The following APBB2 variants were observed in gnomAD, a reference collection of about 807,000 sequenced individuals.
APBB2 encodes the protein amyloid beta precursor protein binding family B member 2, also known as Fe65-like 1.
In APBB2, 38 loss-of-function variants were observed where a neutral mutation model predicts 82.5. The observed-to-expected ratio is 0.46, with a 90% CI of 0.36 to 0.60. The LOEUF (loss-of-function observed/expected upper bound fraction) is 0.60, where lower values mean the gene tolerates loss of function less well. Ranked by LOEUF, APBB2 falls within the 20% of genes least tolerant of loss-of-function variation. The pLI is 0.00. For synonymous variants in APBB2, 341 were observed against 368.2 expected, an observed-to-expected ratio of 0.93 and a Z score of 0.85; for missense variants, 772 against 972.3, an observed-to-expected ratio of 0.79 and a Z score of 2.74.
chr4:41,192,101 C>T (rs954666014), intron 1 of APBB2, among the ~76,000 whole-genome samples: 15 of 152,092 alleles, frequency 9.9e-5, no homozygotes, highest in South Asian at 2.1e-4. Flanking sequence ...CACCTCACAC[C>T]CATTAGGAAT....
chr4:40,830,593 G>GT lies in APBB2; in HGVS notation c.1530-17dup. 6.7e-7 allele frequency: 1 copy of GT among 1,486,566 alleles called. No homozygotes were observed. The highest frequency in any genetic ancestry group is 1.1e-5 in the South Asian group (1 of 88,436). The allele number at this position is 1,486,566 out of a possible 1,614,324, so 92.1% of individuals were successfully genotyped here. ...AGCAAAATCCCTGTGCAAGCAAAAT[G>GT]TATCAGTCCATTAGTAAGAGAAGCT... On this transcript the variant is annotated splice_polypyrimidine_tract_variant and intron_variant, in intron 12 of 17. Transcript: ENST00000508593.
At chr4:40,881,075 A>G in intron 12 of APBB2, 1 of 985,472 alleles carries the variant, frequency 1.0e-6, no homozygotes, top group Non-Finnish European at 1.2e-6. Flanking sequence ...ATCATGATTA[A>G]TGGAAGGCAG....
intron 1 of APBB2, among the ~76,000 whole-genome samples, chr4:41,205,425 G>A (rs917793946): frequency 6.6e-6 from 1 of 152,072 alleles, no homozygotes; most frequent in African/African-American, 2.4e-5. Context: ...ACAGAGCTAA[G>A]GAAAATCATA....
At chr4:41,183,570 T>C (rs1341535156) in intron 1 of APBB2, among the ~76,000 whole-genome samples, 2 of 152,026 alleles carry the variant, frequency 1.3e-5, no homozygotes, top group Admixed American at 1.3e-4. Context: ...GAACACCATG[T>C]GAAGATGAAG....
At chr4:41,013,146 A>G (rs1439086324) in intron 6 of APBB2, among the ~76,000 whole-genome samples, 1 of 152,224 alleles carries the variant, frequency 6.6e-6, no homozygotes, top group African/African-American at 2.4e-5. Flanking sequence ...TTCACCATAA[A>G]TAAGTTATTT....
intron 5 of APBB2, among the ~76,000 whole-genome samples, chr4:41,030,083 G>C (rs1191990902): frequency 6.6e-6 from 1 of 152,174 alleles, no homozygotes; most frequent in Non-Finnish European, 1.5e-5. Context: ...TTGAACCCGG[G>C]GGGCGAAGGT....
chr4:41,209,463 G>C (rs538157526), intron 1 of APBB2, among the ~76,000 whole-genome samples: 1 of 152,326 alleles, frequency 6.6e-6, no homozygotes, highest in Admixed American at 6.5e-5. Context: ...CAGGGCTAAC[G>C]TCAAATGAGA....
Position 40,832,954 on chromosome 4 carries a change from CGGGGGTGGGTT to C in APBB2, c.1530-2388_1530-2378del, listed in dbSNP as rs1231019691. 6.6e-6 allele frequency among the ~76,000 whole-genome samples: 1 copy of C among 151,676 alleles called. No homozygotes were observed. Among genetic ancestry groups the C allele is most frequent in the Non-Finnish European group, 1.5e-5 (1 of 67,906 alleles). On this transcript the variant is annotated intron_variant, in intron 12 of 17. Transcript: ENST00000508593. The surrounding 1 kb of genome is among the most constrained non-coding windows in gnomAD (Gnocchi z 4.8). ...ACTGAATGGGTTCCACGACTGGGCT[CGGGGGTGGGTT>C]GGGGCAAGTCACTGGGCCGAGACTT...
At chr4:40,973,214 G>C (rs1449174838) in intron 6 of APBB2, among the ~76,000 whole-genome samples, 1 of 152,146 alleles carries the variant, frequency 6.6e-6, no homozygotes, top group Non-Finnish European at 1.5e-5. Context: ...CGACCAATAA[G>C]AGGCTCAGCA....
chr4:41,113,224 TC>T (rs1320388395), intron 2 of APBB2, among the ~76,000 whole-genome samples: 1 of 152,228 alleles, frequency 6.6e-6, no homozygotes, highest in Non-Finnish European at 1.5e-5. Flanking sequence ...TATATGGACT[TC>T]CTTACATTTA....
At chr4:40,821,379 A>G (rs1023077535) in intron 17 of APBB2, among the ~76,000 whole-genome samples, 4 of 152,334 alleles carry the variant, frequency 2.6e-5, no homozygotes, top group Admixed American at 2.6e-4. Flanking sequence ...TAACTTCCCT[A>G]AAGTCTCTAT....
chr4:41,159,949 GAGAAGGAGAAGGAGAAGAAGAAGA>G (rs1764515544), intron 1 of APBB2, among the ~76,000 whole-genome samples: 1 of 59,036 alleles, frequency 1.7e-5, no homozygotes, highest in Non-Finnish European at 3.2e-5. Context: ...GGAGGAGAAG[GAGAAGGAGAAGGAGAAGAAGAAGA>G]AGAAGAAGAA....
intron 6 of APBB2, among the ~76,000 whole-genome samples, chr4:41,013,155 T>G (rs1808865551): frequency 6.6e-6 from 1 of 152,242 alleles, no homozygotes. Flanking sequence ...AATAAGTTAT[T>G]TTGAGGACTT....
At chr4:40,971,173 T>C (rs1795844354) in intron 6 of APBB2, among the ~76,000 whole-genome samples, 1 of 152,088 alleles carries the variant, frequency 6.6e-6, no homozygotes, top group African/African-American at 2.4e-5. Context: ...CAGCAAAACA[T>C]AACGGGGGCT....
intron 10 of APBB2, among the ~76,000 whole-genome samples, chr4:40,929,463 C>T (rs544413820): frequency 1.3e-5 from 2 of 152,246 alleles, no homozygotes; most frequent in East Asian, 3.9e-4. Context: ...CCATGCCCAG[C>T]TAATTGTTTG....
At chr4:41,026,077 G>A (rs549405207) in intron 5 of APBB2, among the ~76,000 whole-genome samples, 6 of 151,948 alleles carry the variant, frequency 3.9e-5, no homozygotes, top group African/African-American at 1.5e-4. Flanking sequence ...ATTATCCTTA[G>A]AAAACTAATG....
Position 40,945,034 on chromosome 4 carries a change from T to C in APBB2, c.875A>G (p.Asp292Gly). ...WSDHSFQTDP[D>G]LPPGWKRVSD... is the part of the protein sequence containing the mutation. Reference sequence around the variant, plus strand: ...GACTCTTTTCCAGCCAGGCGGCAAATCTGGATCAGTCTGAAATGAGTGATC... The same window carrying C: ...GACTCTTTTCCAGCCAGGCGGCAAACCTGGATCAGTCTGAAATGAGTGATC... Residue 292 changes from aspartate (D) to glycine (G), a missense_variant, in exon 7 of 18, where the codon GAT becomes GGT. Transcript: ENST00000508593. The C allele has an allele frequency of 6.9e-7, 1 of 1,450,012 alleles. No homozygotes were observed. The highest frequency in any genetic ancestry group is 9.2e-7 in the Non-Finnish European group (1 of 1,081,574). The allele number at this position is 1,450,012 out of a possible 1,614,324, so 89.8% of individuals were successfully genotyped here. A position where few individuals can be genotyped will look rare whatever the true frequency, so the allele number is the denominator to read the frequency against.
chr4:40,978,788 G>T (rs1797794900), intron 6 of APBB2, among the ~76,000 whole-genome samples: 1 of 152,054 alleles, frequency 6.6e-6, no homozygotes, highest in South Asian at 2.1e-4. Context: ...TTTTCTCCAA[G>T]ATTCCATTTC....
At chr4:41,049,539 C>T (rs191149664) in intron 4 of APBB2, among the ~76,000 whole-genome samples, 4,813 of 147,674 alleles carry the variant, frequency 0.033, 330 homozygotes, top group African/African-American at 0.12. Flanking sequence ...CCAGCCGCCC[C>T]GTCCGGGAGG....
Sources: allele counts gnomAD v4.1 joint callset (sites outside exome capture counted in the v4.1 genomes callset), GRCh38; gene constraint gnomAD v4.1.1; non-coding constraint Gnocchi (gnomAD v3.1); transcripts MANE v1.5; gene names NCBI Gene and HGNC (gene_info 2026-07-23, HGNC 2026-07-21).